BDH1: variants seen among roughly 807,000 people sequenced by gnomAD.
The protein encoded by BDH1 is 3-hydroxybutyrate dehydrogenase 1, also known as D-beta-hydroxybutyrate dehydrogenase, mitochondrial.
In BDH1, 30 loss-of-function variants were observed where a neutral mutation model predicts 33.1. The observed-to-expected ratio is 0.91, with a 90% confidence interval of 0.68 to 1.23. The LOEUF (loss-of-function observed/expected upper bound fraction) is 1.23, where lower values mean the gene tolerates loss of function less well. Among genes scored for constraint, BDH1 ranks in the 50% most tolerant of loss-of-function variants. The pLI, the probability that BDH1 is intolerant of heterozygous loss-of-function variation, is 0.00. For synonymous variants in BDH1, 190 were observed against 183.6 expected (o/e 1.03, Z -0.28); for missense variants, 443 against 464.4 (o/e 0.95, Z 0.42).
At chr3:197,524,710 TG>T (rs1236783783) in intron 5 of BDH1, among the ~76,000 whole-genome samples, 1 of 57,524 alleles carries the variant, frequency 1.7e-5, no homozygotes, top group East Asian at 3.5e-4. Flanking sequence ...TGAGTTGGGG[TG>T]GGGGGTTGTT....
chr3:197,512,578 G>A (rs918726527), intron 7 of BDH1, among the ~76,000 whole-genome samples: 1 of 152,238 alleles, frequency 6.6e-6, no homozygotes, highest in Non-Finnish European at 1.5e-5. Flanking sequence ...GGACAGGGGA[G>A]GACAAGTGAG....
chr3:197,529,016 A>C (rs1348687514), intron 5 of BDH1: 1 of 152,170 alleles, frequency 6.6e-6, no homozygotes, highest in Admixed American at 6.5e-5. Context: ...TTATGGCATC[A>C]TGGTTCTTGC....
At position 197,516,631 on chromosome 3, in the gene BDH1, C is replaced by A. The variant is rs2108708080; in HGVS notation, c.410-2215G>T. ...CCTCATCCCATCTCCTGTCTCGCTT[C>A]CACCTGAATGTCCCACGGGTCCCTG... On this transcript the variant is annotated intron_variant, in intron 6 of 7. Transcript: ENST00000392379. The surrounding 1 kb of genome is among the most constrained non-coding windows in gnomAD (Gnocchi z 4.2). 6.6e-6 allele frequency among the ~76,000 whole-genome samples: 1 copy of A among 152,240 alleles called. No homozygotes were observed. The highest frequency in any genetic ancestry group is 2.1e-4 in the South Asian group (1 of 4,822).
chr3:197,528,288 ATGAG>A lies in BDH1; in HGVS notation c.267+4120_267+4123del, dbSNP rs201136745. 6,170 of 147,988 alleles carry A rather than the reference ATGAG, an allele frequency of 0.042. 172 individuals carry two copies. Among genetic ancestry groups the A allele is most frequent in the Middle Eastern group, 0.08 (23 of 288 alleles). The allele number at this position is 147,988 out of a possible 1,614,324, so 9.2% of individuals were successfully genotyped here. On this transcript the variant is annotated intron_variant, in intron 5 of 7. Transcript: ENST00000392379. This position sits in a 1 kb window ranked among gnomAD's most constrained non-coding sequence, Gnocchi z 5.1. ...ACAGGGTGTGGTGGTGTAGGTCTGT[ATGAG>A]TGAGTGAGTGAGTGTGTGTGTGTGT...
intron 1 of BDH1, among the ~76,000 whole-genome samples, chr3:197,561,082 T>G (rs556380497): frequency 6.6e-6 from 1 of 152,306 alleles, no homozygotes; most frequent in Non-Finnish European, 1.5e-5. Flanking sequence ...TCTTCAATCT[T>G]GGAAAAGTAA....
chr3:197,568,941 T>C (rs1717518624), intron 1 of BDH1, among the ~76,000 whole-genome samples: 1 of 152,220 alleles, frequency 6.6e-6, no homozygotes, highest in Non-Finnish European at 1.5e-5. Context: ...AATTTAGCAA[T>C]AAATGGTTCA....
At chr3:197,518,938 G>C in intron 6 of BDH1, among the ~76,000 whole-genome samples, 1 of 55,522 alleles carries the variant, frequency 1.8e-5, no homozygotes, top group East Asian at 5.5e-4. Flanking sequence ...CCTGCTCTAT[G>C]GTCTCCATCC....
intron 1 of BDH1, among the ~76,000 whole-genome samples, chr3:197,564,098 T>TAAAAA (rs71164298): frequency 0.047 from 5,067 of 108,706 alleles, 177 homozygotes; most frequent in African/African-American, 0.067. Context: ...AGACTTCATC[T>TAAAAA]AAAAAAAAAA....
intron 3 of BDH1, among the ~76,000 whole-genome samples, chr3:197,542,195 C>T (rs1715689855): frequency 6.6e-6 from 1 of 152,186 alleles, no homozygotes; most frequent in South Asian, 2.1e-4. Context: ...TTCAGAATAA[C>T]ACAGCAGAAA....
At position 197,554,796 on chromosome 3, in the gene BDH1, G is replaced by C. The variant is rs746042733; in HGVS notation, c.-195-83C>G. On this transcript the variant is annotated intron_variant, in intron 1 of 7. Coordinates refer to ENST00000392379, the MANE Select transcript of BDH1 (RefSeq NM_203314.3). This position sits in a 1 kb window ranked among gnomAD's most constrained non-coding sequence, Gnocchi z 4.4. ...CCCCAGAAGGGCGCAGCCTGGAGGC[G>C]GCCGCGCGCAGGACGCACGCCCAAG... is the stretch of plus-strand genomic sequence containing the variant. 6.6e-6 allele frequency: 1 copy of C among 152,132 alleles called. No homozygotes were observed. Among genetic ancestry groups the C allele is most frequent in the African/African-American group, 2.4e-5 (1 of 41,420 alleles). 9.4% of individuals were successfully genotyped at this position (152,132 alleles called of 1,614,324 possible).
At position 197,526,140 on chromosome 3, in the gene BDH1, T is replaced by A. The variant is rs1181791972; in HGVS notation, c.268-3359A>T. ...ATTCTCAGACAGTGGACAGAGAGCC[T>A]CTTTGTTTTGGCATGAAGAGTCCTG... On this transcript the variant is annotated intron_variant, in intron 5 of 7. Transcript: ENST00000392379. This position sits in a 1 kb window ranked among gnomAD's most constrained non-coding sequence, Gnocchi z 4.7. 4.8e-4 allele frequency among the ~76,000 whole-genome samples: 73 copies of A among 152,328 alleles called. No homozygotes were observed. The highest frequency in any genetic ancestry group is 3.4e-3 in the Middle Eastern group (1 of 294).
intron 1 of BDH1, among the ~76,000 whole-genome samples, chr3:197,565,115 T>A (rs912849019): frequency 6.6e-6 from 1 of 152,094 alleles, no homozygotes; most frequent in African/African-American, 2.4e-5. Context: ...ATACACAGGG[T>A]TTCTCCATGT....
In BDH1 at chr3:197,526,749, G is replaced by A. The variant is rs915029314; in HGVS notation, c.268-3968C>T. 1.6e-4 allele frequency among the ~76,000 whole-genome samples: 25 copies of A among 152,268 alleles called. No homozygotes were observed. Among genetic ancestry groups the A allele is most frequent in the African/African-American group, 5.5e-4 (23 of 41,550 alleles). On this transcript the variant is annotated intron_variant, in intron 5 of 7. Coordinates refer to ENST00000392379, the MANE Select transcript of BDH1 (RefSeq NM_203314.3). This position sits in a 1 kb window ranked among gnomAD's most constrained non-coding sequence, Gnocchi z 4.7. ...ATAGCCCTCTCCCGACCAGCTCTCCGTGCTCCGCTCCCAGACGAGCCACTC... is the reference window on the plus strand; with the variant it reads ...ATAGCCCTCTCCCGACCAGCTCTCCATGCTCCGCTCCCAGACGAGCCACTC...
Position 197,522,153 on chromosome 3 carries a change from C to T in BDH1, c.409+487G>A, listed in dbSNP as rs1029465645. 3.9e-5 allele frequency among the ~76,000 whole-genome samples: 6 copies of T among 152,214 alleles called. No individual in the cohort carries two copies. Among genetic ancestry groups the T allele is most frequent in the African/African-American group, 1.4e-4 (6 of 41,446 alleles). ...CCTCCTCTTGGAACAACCATATCTG[C>T]TCTCTGCCACAATCTGCCTTAACTG... On this transcript the variant is annotated intron_variant, in intron 6 of 7. Coordinates refer to ENST00000392379, the MANE Select transcript of BDH1 (RefSeq NM_203314.3). This position sits in a 1 kb window ranked among gnomAD's most constrained non-coding sequence, Gnocchi z 4.8.
intron 4 of BDH1, 77 bp from the exon 5 acceptor site, chr3:197,532,599 G>T: frequency 9.4e-7 from 1 of 1,059,120 alleles, no homozygotes; most frequent in Non-Finnish European, 1.5e-6. Flanking sequence ...CACCCTCTGT[G>T]CAGTGAGAGT....
intron 2 of BDH1, among the ~76,000 whole-genome samples, chr3:197,549,178 C>CA (rs1716346590): frequency 6.6e-6 from 1 of 152,172 alleles, no homozygotes; most frequent in Non-Finnish European, 1.5e-5. Context: ...TGACTGAGCA[C>CA]AGGGGGCTTG....
rs779504270 is a variant in BDH1 at position 197,512,109 on chromosome 3, C to A, written c.818G>T (p.Gly273Val). The A allele has an allele frequency of 5.0e-6, 8 of 1,614,222 alleles. No individual in the cohort carries two copies. The highest frequency in any genetic ancestry group is 6.8e-6 in the Non-Finnish European group (8 of 1,180,048). ...ELPEVVRKDY[G>V]KKYFDEKIAK... Reference sequence around the variant, plus strand: ...GATCTTTTCATCAAAGTACTTCTTGCCGTAGTCCTTGCGCACGACCTCAGG... The same window carrying A: ...GATCTTTTCATCAAAGTACTTCTTGACGTAGTCCTTGCGCACGACCTCAGG... The change falls in exon 8 of 8, where the codon GGC (glycine) becomes GTC (valine). Residue 273 changes from glycine (G) to valine (V), a missense_variant. Gly to Val is a moderately radical substitution (Grantham distance 109, BLOSUM62 -3). Transcript: ENST00000392379.
In BDH1 at chr3:197,516,800, T is replaced by C. The variant is rs1000427321; in HGVS notation, c.410-2384A>G. Among the ~76,000 whole-genome samples, 2 of 151,940 alleles carry C rather than the reference T, an allele frequency of 1.3e-5. No individual in the cohort carries two copies. Among genetic ancestry groups the C allele is most frequent in the African/African-American group, 4.8e-5 (2 of 41,330 alleles). On this transcript the variant is annotated intron_variant, in intron 6 of 7. Coordinates refer to ENST00000392379, the MANE Select transcript of BDH1 (RefSeq NM_203314.3). The surrounding 1 kb of genome is among the most constrained non-coding windows in gnomAD (Gnocchi z 4.2). Reference sequence around the variant, plus strand: ...CTACTGAGTCACCCAGTACTGCTAATATTACAGCTCAAGATCAACATGACA... The same window carrying C: ...CTACTGAGTCACCCAGTACTGCTAACATTACAGCTCAAGATCAACATGACA...
Position 197,509,931 on chromosome 3 carries a change from C to G in BDH1, c.*1964G>C, listed in dbSNP as rs1579833146. The G allele has an allele frequency of 6.6e-6, 1 of 152,122 alleles. No homozygotes were observed. The highest frequency in any genetic ancestry group is 3.4e-3 in the Middle Eastern group (1 of 296). The allele number at this position is 152,122 out of a possible 1,614,324, so 9.4% of individuals were successfully genotyped here. On this transcript the variant is annotated 3_prime_UTR_variant, in exon 8 of 8. Transcript: ENST00000392379. ...AACTGCAGCGGCCACCAAGCGTCCC[C>G]CTCTGGGCTCTGGAGGGTTTCGGCC...
Sources: gnomAD v4.1 joint callset for allele counts (sites outside exome capture counted in the v4.1 genomes callset) on GRCh38, gnomAD v4.1.1 for gene constraint, Gnocchi (gnomAD v3.1) non-coding constraint, MANE v1.5 for transcripts, NCBI Gene and HGNC (gene_info 2026-07-23, HGNC 2026-07-21) for gene names.